RASA3: variants seen among roughly 807,000 people sequenced by gnomAD.
The protein encoded by RASA3 is ras GTPase-activating protein 3.
RASA3 carries 73 observed loss-of-function variants against 110.0 expected under a neutral mutation model. The ratio of observed to expected loss-of-function variants is 0.66; its 90% CI spans 0.55 to 0.81. The LOEUF (loss-of-function observed/expected upper bound fraction) is 0.81. RASA3 is among the 30% of genes least tolerant of loss of function. The pLI is 0.00. For synonymous variants in RASA3, 500 were observed against 451.4 expected (o/e 1.11, Z -1.37); for missense variants, 976 against 1,113.2 (o/e 0.88, Z 1.75).
At chr13:114,038,943 A>T (rs1322977552) in intron 4 of RASA3, among the ~76,000 whole-genome samples, 1 of 152,226 alleles carries the variant, frequency 6.6e-6, no homozygotes, top group Non-Finnish European at 1.5e-5. Context: ...TTTGTCCAGG[A>T]TGCCAGCCTC....
At chr13:114,090,691 C>T (rs537879043) in intron 1 of RASA3, among the ~76,000 whole-genome samples, 169 of 152,322 alleles carry the variant, frequency 1.1e-3, no homozygotes, top group African/African-American at 3.2e-3. Context: ...ACATGCCTGA[C>T]GGGCACGGGC....
At chr13:114,029,142 A>G (rs76741379) in intron 5 of RASA3, among the ~76,000 whole-genome samples, 2 of 16,990 alleles carry the variant, frequency 1.2e-4, no homozygotes, top group Admixed American at 5.7e-4. Flanking sequence ...CTCTAAAACG[A>G]CGTCATCCTG....
At chr13:114,018,280 G>A in intron 10 of RASA3, 28 bp from the exon 11 acceptor site, 2 of 1,542,272 alleles carry the variant, frequency 1.3e-6, no homozygotes, top group South Asian at 1.2e-5. Context: ...GTCAGTGCCA[G>A]GGCCCGGGGT....
In RASA3 at chr13:113,981,721, C is replaced by A; in HGVS notation, c.2383G>T (p.Ala795Ser). The change falls in exon 23 of 24, where the codon GCC becomes TCC. Residue 795 changes from alanine (A) to serine (S), a missense_variant. Coordinates refer to ENST00000334062, the MANE Select transcript of RASA3 (RefSeq NM_007368.4). ...AGVGALEQEH[A>S]QYKRDKFKKT... ...TTGAACTTGTCCCTCTTATACTGGG[C>A]GTGCTCCTGCTCCAAAGCCCCAACC... 11 of 1,614,122 alleles carry A rather than the reference C, an allele frequency of 6.8e-6. No individual in the cohort carries two copies. Among genetic ancestry groups the A allele is most frequent in the Non-Finnish European group, 9.3e-6 (11 of 1,179,998 alleles).
At chr13:114,071,128 G>GT (rs901807769) in intron 2 of RASA3, among the ~76,000 whole-genome samples, 1 of 152,278 alleles carries the variant, frequency 6.6e-6, no homozygotes, top group East Asian at 1.9e-4. Flanking sequence ...TGTGTTTTGG[G>GT]TTTTTTTGAG....
intron 2 of RASA3, among the ~76,000 whole-genome samples, chr13:114,054,641 A>G (rs539650882): frequency 1.3e-5 from 2 of 152,372 alleles, no homozygotes; most frequent in South Asian, 4.1e-4. Flanking sequence ...TCATAAAACA[A>G]TCTTCCAAGG....
chr13:114,059,689 G>T (rs568247008), intron 2 of RASA3, among the ~76,000 whole-genome samples: 6 of 152,238 alleles, frequency 3.9e-5, no homozygotes, highest in Non-Finnish European at 7.3e-5. Flanking sequence ...TTCTTCCTCT[G>T]CCCTGCACAG....
intron 1 of RASA3, among the ~76,000 whole-genome samples, chr13:114,093,900 T>C (rs1328497472): frequency 6.6e-6 from 1 of 152,218 alleles, no homozygotes; most frequent in Non-Finnish European, 1.5e-5. Context: ...TTCCATTTGA[T>C]TTTTTCTATT....
intron 22 of RASA3, among the ~76,000 whole-genome samples, chr13:113,992,058 ACACACGCTCACACATGTCCACATT>A (rs901688920): frequency 3.3e-5 from 5 of 152,044 alleles, no homozygotes; most frequent in Admixed American, 1.3e-4. Flanking sequence ...CCACACATTC[ACACACGCTCACACATGTCCACATT>A]CACACGCTCA....
At chr13:114,078,926 G>A (rs879816381) in intron 1 of RASA3, among the ~76,000 whole-genome samples, 4 of 152,344 alleles carry the variant, frequency 2.6e-5, no homozygotes, top group African/African-American at 9.6e-5. Flanking sequence ...AGCTGTGAGG[G>A]CATGGGGAGG....
chr13:114,027,041 C>T (rs1378061942), intron 7 of RASA3, among the ~76,000 whole-genome samples: 2 of 152,242 alleles, frequency 1.3e-5, no homozygotes, highest in Non-Finnish European at 2.9e-5. Flanking sequence ...CCCCCAAGGT[C>T]CTGGTAATTT....
At chr13:114,049,736 T>A (rs2079112169) in intron 3 of RASA3, among the ~76,000 whole-genome samples, 1 of 152,218 alleles carries the variant, frequency 6.6e-6, no homozygotes, top group Non-Finnish European at 1.5e-5. Context: ...ATTCCATGCC[T>A]CCCTTTCTTC....
intron 2 of RASA3, among the ~76,000 whole-genome samples, chr13:114,059,887 C>T (rs981733012): frequency 6.6e-6 from 1 of 152,248 alleles, no homozygotes; most frequent in Non-Finnish European, 1.5e-5. Flanking sequence ...GAAGCAAAGT[C>T]CTGGCCCCAT....
rs528929560 is a variant in RASA3, at chr13:114,117,989, A to C, written c.55+14446T>G. Among the ~76,000 whole-genome samples the C allele has an allele frequency of 4.0e-5, 6 of 151,862 alleles. No homozygotes were observed. The East Asian group carries it at 1.2e-3, about 29-fold the overall frequency. ...CACACGCACCTGTGTGCACATGTGG[A>C]TGTTGCCGTGTGCACGTGTGCACAC... On this transcript the variant is annotated intron_variant, in intron 1 of 23. Coordinates refer to ENST00000334062, the MANE Select transcript of RASA3 (RefSeq NM_007368.4).
In RASA3 at chr13:114,018,761, A is replaced by T; in HGVS notation, c.942+2T>A. The T allele has an allele frequency of 6.2e-7, 1 of 1,612,858 alleles. No homozygotes were observed. The highest frequency in any genetic ancestry group is 2.2e-5 in the East Asian group (1 of 44,864). On this transcript the variant is annotated splice_donor_variant, in intron 10 of 23. Transcript: ENST00000334062. LOFTEE classifies it high-confidence loss of function. ...CCCACAGGCCACGGCGTGGACAAGC[A>T]CCTCCACATCCGCAGACTTCAACAG...
Position 114,096,061 on chromosome 13 carries a change from G to A in RASA3, c.56-22224C>T, listed in dbSNP as rs7995984. ...GAAGATGCCACCCTGGGTGGCACTGGTGTGCCGGGAGGGGGTGCTCTCCAG... is the reference window on the plus strand; with the variant it reads ...GAAGATGCCACCCTGGGTGGCACTGATGTGCCGGGAGGGGGTGCTCTCCAG... On this transcript the variant is annotated intron_variant, in intron 1 of 23. Coordinates refer to ENST00000334062, the MANE Select transcript of RASA3 (RefSeq NM_007368.4). The surrounding 1 kb of genome is among the most constrained non-coding windows in gnomAD (Gnocchi z 5.1). Among the ~76,000 whole-genome samples the A allele has an allele frequency of 0.37, 55,899 of 152,002 alleles. 10,261 individuals carry two copies. Among genetic ancestry groups the A allele is most frequent in the Middle Eastern group, 0.44 (129 of 294 alleles).
intron 1 of RASA3, among the ~76,000 whole-genome samples, chr13:114,110,681 GC>G (rs1258665770): frequency 1.3e-5 from 2 of 152,236 alleles, no homozygotes; most frequent in African/African-American, 4.8e-5. Flanking sequence ...AGGACCGACA[GC>G]CCCTCCTGGC....
intron 3 of RASA3, among the ~76,000 whole-genome samples, chr13:114,049,882 G>T (rs917252992): frequency 5.3e-5 from 8 of 152,240 alleles, no homozygotes; most frequent in African/African-American, 1.9e-4. Context: ...CACAACCAAC[G>T]AGTGGGGCAG....
chr13:114,118,192 A>T (rs2080322195), intron 1 of RASA3, among the ~76,000 whole-genome samples: 1 of 152,124 alleles, frequency 6.6e-6, no homozygotes, highest in Non-Finnish European at 1.5e-5. Context: ...TGGAAGGCAC[A>T]GCCAATATTT....
Sources: allele counts gnomAD v4.1 joint callset (sites outside exome capture counted in the v4.1 genomes callset), GRCh38; gene constraint gnomAD v4.1.1; non-coding constraint Gnocchi (gnomAD v3.1); transcripts MANE v1.5; gene names NCBI Gene and HGNC (gene_info 2026-07-23, HGNC 2026-07-21).